IMMP2L: variants seen among roughly 807,000 people sequenced by gnomAD.
The protein encoded by IMMP2L is mitochondrial inner membrane protease subunit 2.
Under a neutral mutation model 19.3 loss-of-function variants are expected in IMMP2L, and 18 were observed. That is an observed-to-expected ratio of 0.93 (90% CI 0.64 to 1.38). The LOEUF is 1.38. Ranked by LOEUF, IMMP2L falls within the 40% of genes most tolerant of loss-of-function variation. The pLI is 0.00. For synonymous variants in IMMP2L, 76 were observed against 73.0 expected (o/e 1.04, Z -0.21); for missense variants, 233 against 218.2 (o/e 1.07, Z -0.43).
At chr7:111,538,512 T>A (rs75681021) in intron 1 of IMMP2L, among the ~76,000 whole-genome samples, 3,038 of 150,804 alleles carry the variant, frequency 0.02, 102 homozygotes, top group African/African-American at 0.07. Context: ...CAGAAAGAAA[T>A]ATGTGGGCTG....
At chr7:111,084,255 G>T (rs1796118113) in intron 3 of IMMP2L, among the ~76,000 whole-genome samples, 1 of 145,262 alleles carries the variant, frequency 6.9e-6, no homozygotes, top group African/African-American at 2.6e-5. Context: ...AAGATCCAAA[G>T]TTCCTGTAAT....
In IMMP2L at chr7:111,403,002, C is replaced by A. The variant is rs911526629; in HGVS notation, c.239+84236G>T. 8.5e-5 allele frequency among the ~76,000 whole-genome samples: 9 copies of A among 106,224 alleles called. 1 individual carries two copies. Among genetic ancestry groups the A allele is most frequent in the Non-Finnish European group, 1.6e-4 (8 of 51,536 alleles). The allele number at this position is 106,224 out of a possible 152,430, so 69.7% of individuals were successfully genotyped here. A position where few individuals can be genotyped will look rare whatever the true frequency, so the allele number is the denominator to read the frequency against. ...TCACTGCAGCCTTGACCCCCCCCCCCCACCCCGCCAGGCTCAGGTGATCCT... is the reference window on the plus strand; with the variant it reads ...TCACTGCAGCCTTGACCCCCCCCCCACACCCCGCCAGGCTCAGGTGATCCT... On this transcript the variant is annotated intron_variant, in intron 3 of 5. Transcript: ENST00000405709.
chr7:111,224,585 T>C (rs1366578661), intron 3 of IMMP2L, among the ~76,000 whole-genome samples: 1 of 152,140 alleles, frequency 6.6e-6, no homozygotes, highest in Non-Finnish European at 1.5e-5. Flanking sequence ...GGTGACAAGA[T>C]GCAGAATACT....
intron 5 of IMMP2L, among the ~76,000 whole-genome samples, chr7:110,668,572 G>T (rs905720892): frequency 2.0e-5 from 3 of 151,962 alleles, no homozygotes; most frequent in Non-Finnish European, 4.4e-5. Context: ...CTCAGTTTTG[G>T]GCATAGTGAT....
intron 5 of IMMP2L, among the ~76,000 whole-genome samples, chr7:110,772,268 T>C (rs1470200790): frequency 6.6e-6 from 1 of 152,146 alleles, no homozygotes; most frequent in Admixed American, 6.6e-5. Context: ...GGAAACTGTC[T>C]ATATGGCATG....
intron 3 of IMMP2L, among the ~76,000 whole-genome samples, chr7:111,380,979 T>C (rs1386011747): frequency 2.6e-5 from 4 of 151,990 alleles, no homozygotes; most frequent in Non-Finnish European, 4.4e-5. Flanking sequence ...GTTTCCAGAA[T>C]GAGAGTGCAA....
At chr7:111,412,461 G>T (rs1039226851) in intron 3 of IMMP2L, among the ~76,000 whole-genome samples, 9 of 151,736 alleles carry the variant, frequency 5.9e-5, no homozygotes, top group African/African-American at 1.9e-4. Flanking sequence ...GATCACAAAG[G>T]AGTTAAAACG....
At chr7:111,387,931 A>C (rs2131297471) in intron 3 of IMMP2L, among the ~76,000 whole-genome samples, 1 of 147,320 alleles carries the variant, frequency 6.8e-6, no homozygotes, top group Middle Eastern at 3.5e-3. Context: ...AGCCAACATC[A>C]CACCACTGCA....
At chr7:111,124,731 G>A (rs770581567) in intron 3 of IMMP2L, 3 of 1,613,900 alleles carry the variant, frequency 1.9e-6, no homozygotes, top group Middle Eastern at 1.7e-4. Flanking sequence ...CTCCAGAAAT[G>A]AACTGTGATG....
intron 3 of IMMP2L, among the ~76,000 whole-genome samples, chr7:111,308,113 G>C (rs1413396860): frequency 6.6e-6 from 1 of 151,834 alleles, no homozygotes; most frequent in Non-Finnish European, 1.5e-5. Flanking sequence ...TGGCCTATAA[G>C]ATTATTTGCT....
intron 3 of IMMP2L, among the ~76,000 whole-genome samples, chr7:111,119,163 T>G (rs1263874418): frequency 2.0e-5 from 3 of 152,326 alleles, no homozygotes; most frequent in African/African-American, 7.2e-5. Context: ...ACAGAAGTAA[T>G]GGTTTCTCCA....
At chr7:111,005,192 T>C (rs1236481613) in intron 3 of IMMP2L, among the ~76,000 whole-genome samples, 6 of 151,926 alleles carry the variant, frequency 3.9e-5, no homozygotes, top group African/African-American at 1.5e-4. Flanking sequence ...CGATTAAGAT[T>C]CCCCCCTGCC....
chr7:110,837,089 A>T (rs1804556835), intron 5 of IMMP2L, among the ~76,000 whole-genome samples: 1 of 152,190 alleles, frequency 6.6e-6, no homozygotes, highest in African/African-American at 2.4e-5. Context: ...GTAATGGCAC[A>T]AAACTAAAAA....
At chr7:111,560,963 A>C (rs1219595815) in intron 1 of IMMP2L, among the ~76,000 whole-genome samples, 1 of 152,220 alleles carries the variant, frequency 6.6e-6, no homozygotes, top group African/African-American at 2.4e-5. Flanking sequence ...CTGTGTAAGA[A>C]TCCAAGAATG....
chr7:111,382,899 G>A lies in IMMP2L; in HGVS notation c.239+104339C>T, dbSNP rs187615774. ...CGGGCACCTTTAGCTAACAGTAGCT[G>A]CAAATGTGGTTCCATACTTCCAAGG... On this transcript the variant is annotated intron_variant, in intron 3 of 5. Transcript: ENST00000405709. 2.4e-3 allele frequency among the ~76,000 whole-genome samples: 363 copies of A among 152,158 alleles called. 1 individual carries two copies. The highest frequency in any genetic ancestry group is 5.4e-3 in the Admixed American group (83 of 15,252).
At chr7:111,154,977 C>T (rs543835944) in intron 3 of IMMP2L, among the ~76,000 whole-genome samples, 48 of 152,082 alleles carry the variant, frequency 3.2e-4, no homozygotes, top group African/African-American at 1.1e-3. Flanking sequence ...AGGTTGGTCT[C>T]GAACTCCTGG....
intron 3 of IMMP2L, among the ~76,000 whole-genome samples, chr7:111,120,525 T>A (rs1055694257): frequency 6.6e-6 from 1 of 152,168 alleles, no homozygotes; most frequent in African/African-American, 2.4e-5. Context: ...CAATTCAAGA[T>A]GAGATTTGGG....
At chr7:111,166,376 A>C (rs1805815763) in intron 3 of IMMP2L, among the ~76,000 whole-genome samples, 1 of 152,026 alleles carries the variant, frequency 6.6e-6, no homozygotes, top group South Asian at 2.1e-4. Flanking sequence ...GGCCTGCTTG[A>C]AAGTAAACTT....
intron 3 of IMMP2L, among the ~76,000 whole-genome samples, chr7:111,227,620 TGAG>T (rs1813245670): frequency 6.6e-6 from 1 of 152,018 alleles, no homozygotes; most frequent in African/African-American, 2.4e-5. Flanking sequence ...AGACAAAAAC[TGAG>T]GAGAAACACT....
Sources: allele counts gnomAD v4.1 joint callset (sites outside exome capture counted in the v4.1 genomes callset), GRCh38; gene constraint gnomAD v4.1.1; transcripts MANE v1.5; gene names NCBI Gene and HGNC (gene_info 2026-07-23, HGNC 2026-07-21).